Variants in DDX19B observed in about 807,000 individuals in gnomAD.
DDX19B encodes DEAD-box helicase 19B.
A neutral mutation model predicts 58.1 loss-of-function variants in DDX19B; 27 were observed. That is an observed-to-expected ratio of 0.46 (90% CI 0.34 to 0.64). The LOEUF is 0.64. Ranked by LOEUF, DDX19B falls within the 30% of genes least tolerant of loss-of-function variation. The probability of loss-of-function intolerance (pLI) is 0.01; values close to 1 mark genes in which losing one functional copy is unlikely to be tolerated. For synonymous variants in DDX19B, 187 were observed against 214.4 expected (o/e 0.87, Z 1.12); for missense variants, 399 against 596.5 (o/e 0.67, Z 3.45).
intron 1 of DDX19B, among the ~76,000 whole-genome samples, chr16:70,308,385 C>T (rs553833089): frequency 4.3e-4 from 65 of 151,960 alleles, no homozygotes; most frequent in African/African-American, 6.5e-4. Flanking sequence ...TCCTGCGCCA[C>T]CACACCTGGC....
chr16:70,294,602 T>A (rs1156899574), upstream of DDX19B, among the ~76,000 whole-genome samples: 1 of 152,222 alleles, frequency 6.6e-6, no homozygotes, highest in Non-Finnish European at 1.5e-5. Context: ...TTAAAGATCT[T>A]GCCCTGCCCT....
At chr16:70,309,889 AT>A (rs1470210687) in intron 1 of DDX19B, among the ~76,000 whole-genome samples, 1 of 150,762 alleles carries the variant, frequency 6.6e-6, no homozygotes, top group Non-Finnish European at 1.5e-5. Flanking sequence ...CAATTAAAAC[AT>A]TTTTTTGTTC....
chr16:70,299,034 A>T, upstream of DDX19B: 1 of 829,272 alleles, frequency 1.2e-6, no homozygotes, highest in East Asian at 3.4e-5. Flanking sequence ...TAGGCATTTT[A>T]AGATAACTAC....
At chr16:70,333,497 G>C (rs1963591761) in intron 11 of DDX19B, 24 bp from the exon 12 acceptor site, 2 of 1,613,918 alleles carry the variant, frequency 1.2e-6, no homozygotes, top group African/African-American at 2.7e-5. Context: ...GGGCAGGGTA[G>C]AGACCTGTGT....
chr16:70,312,674 T>C lies in DDX19B; in HGVS notation c.106+17T>C, dbSNP rs769879166. 6.3e-7 allele frequency: 1 copy of C among 1,597,146 alleles called. No individual in the cohort carries two copies. Among genetic ancestry groups the C allele is most frequent in the Non-Finnish European group, 8.6e-7 (1 of 1,169,572 alleles). On this transcript the variant is annotated intron_variant, in intron 2 of 11. Transcript: ENST00000288071. ...ATACCAATGGTAAGTAACTAATAGCTAGTTTGAAAACAAATGTGATTTCCT... is the reference window on the plus strand; with the variant it reads ...ATACCAATGGTAAGTAACTAATAGCCAGTTTGAAAACAAATGTGATTTCCT...
intron 1 of DDX19B, among the ~76,000 whole-genome samples, chr16:70,306,875 T>C (rs1961784410): frequency 6.6e-6 from 1 of 152,226 alleles, no homozygotes; most frequent in African/African-American, 2.4e-5. Flanking sequence ...TTACTCCCTG[T>C]TTCCCTACAA....
chr16:70,325,696 T>G lies in DDX19B; in HGVS notation c.607+8T>G. On this transcript the variant is annotated splice_region_variant and intron_variant, in intron 7 of 11. Coordinates refer to ENST00000288071, the MANE Select transcript of DDX19B (RefSeq NM_007242.7). ...CTGTTCGAGGCAATAAATGTGAGTA[T>G]GTGAATTTGGTCCTAAATCATCAAC... 2 of 1,592,750 alleles carry G rather than the reference T, an allele frequency of 1.3e-6. No individual in the cohort carries two copies. The highest frequency in any genetic ancestry group is 1.7e-6 in the Non-Finnish European group (2 of 1,163,094).
chr16:70,333,269 T>G (rs1354839974), intron 11 of DDX19B, 110 bp downstream of exon 11: 3 of 693,376 alleles, frequency 4.3e-6, no homozygotes, highest in Non-Finnish European at 7.3e-6. Flanking sequence ...CCTAGCACAC[T>G]CCCCTCCTTT....
chr16:70,323,414 TTTTTTTC>T (rs1191728587), intron 5 of DDX19B, among the ~76,000 whole-genome samples: 16 of 151,138 alleles, frequency 1.1e-4, no homozygotes, highest in South Asian at 4.2e-4. Context: ...CCTTGCCTGC[TTTTTTTC>T]TTTTTTCTTT....
At chr16:70,290,674 C>T (rs921981078), upstream of DDX19B, among the ~76,000 whole-genome samples, 11 of 152,244 alleles carry the variant, frequency 7.2e-5, no homozygotes, top group South Asian at 8.3e-4. Flanking sequence ...ATTCCTTGGG[C>T]GACAGAGCGA....
intron 10 of DDX19B, 37 bp from the exon 11 acceptor site, chr16:70,332,931 C>T (rs979868272): frequency 4.3e-6 from 7 of 1,614,034 alleles, no homozygotes; most frequent in Middle Eastern, 3.3e-4. Context: ...TGCCTCCTGT[C>T]CTTAGTCCTC....
At chr16:70,308,198 C>T (rs1389539488) in intron 1 of DDX19B, among the ~76,000 whole-genome samples, 1 of 151,968 alleles carries the variant, frequency 6.6e-6, no homozygotes, top group Non-Finnish European at 1.5e-5. Context: ...GGTGATCCAC[C>T]TGCCTCGGCC....
At chr16:70,329,723 C>T in intron 8 of DDX19B, 108 bp from the exon 9 acceptor site, 2 of 1,475,492 alleles carry the variant, frequency 1.4e-6, no homozygotes, top group African/African-American at 1.4e-5. Flanking sequence ...CAAGACGCTC[C>T]TCTCCCATCA....
intron 1 of DDX19B, among the ~76,000 whole-genome samples, chr16:70,308,511 A>G (rs1460794757): frequency 6.6e-6 from 1 of 152,098 alleles, no homozygotes; most frequent in Non-Finnish European, 1.5e-5. Context: ...CTCTGGGATT[A>G]CAGGAATGAG....
chr16:70,311,570 C>T (rs1444776729), intron 1 of DDX19B, among the ~76,000 whole-genome samples: 1 of 152,124 alleles, frequency 6.6e-6, no homozygotes, highest in Non-Finnish European at 1.5e-5. Context: ...GAGATAAGAC[C>T]TGCTAGGATA....
upstream of DDX19B, chr16:70,294,979 C>T (rs62049423): frequency 1.4e-6 from 2 of 1,436,138 alleles, no homozygotes; most frequent in Non-Finnish European, 1.8e-6. Context: ...CCTTCCTCGC[C>T]CCTACTCCTG....
intron 1 of DDX19B, among the ~76,000 whole-genome samples, chr16:70,304,904 G>A (rs897202821): frequency 2.6e-5 from 4 of 151,716 alleles, no homozygotes; most frequent in African/African-American, 9.7e-5. Flanking sequence ...ACAATACCCT[G>A]TACGGCTTTC....
chr16:70,292,049 G>T (rs1184513461), upstream of DDX19B, among the ~76,000 whole-genome samples: 1 of 152,122 alleles, frequency 6.6e-6, no homozygotes. Flanking sequence ...TGCTCAAGAG[G>T]CTGAGGAAGG....
At chr16:70,303,809 T>C (rs1961597329) in intron 1 of DDX19B, among the ~76,000 whole-genome samples, 1 of 152,152 alleles carries the variant, frequency 6.6e-6, no homozygotes, top group African/African-American at 2.4e-5. Flanking sequence ...TCCGCCCACC[T>C]CGGCCTCCCA....
Sources: gnomAD v4.1 joint callset for allele counts (sites outside exome capture counted in the v4.1 genomes callset) on GRCh38, gnomAD v4.1.1 for gene constraint, MANE v1.5 for transcripts, NCBI Gene and HGNC (gene_info 2026-07-23, HGNC 2026-07-21) for gene names.